MICAL2: variants seen among roughly 807,000 people sequenced by gnomAD.
MICAL2 encodes the protein [F-actin]-monooxygenase MICAL2.
MICAL2 carries 77 observed loss-of-function variants against 127.3 expected under a neutral mutation model. That is an observed-to-expected ratio of 0.60 (90% CI 0.50 to 0.73). MICAL2 has a LOEUF of 0.73. Among genes scored for constraint, MICAL2 ranks in the 30% least tolerant of loss-of-function variants. The probability of loss-of-function intolerance (pLI) is 0.00; values close to 1 mark genes in which losing one functional copy is unlikely to be tolerated. For missense variants in MICAL2, 1,351 were observed against 1,434.4 expected, an observed-to-expected ratio of 0.94 and a Z score of 0.94; for synonymous variants, 570 against 551.1, an observed-to-expected ratio of 1.03 and a Z score of -0.48.
intron 7 of MICAL2, among the ~76,000 whole-genome samples, chr11:12,214,836 C>T (rs1214828527): frequency 1.3e-5 from 2 of 152,146 alleles, no homozygotes; most frequent in Non-Finnish European, 2.9e-5. Context: ...CACACACACA[C>T]ACACACACAC....
chr11:12,229,682 G>A (rs1415972841), intron 15 of MICAL2, among the ~76,000 whole-genome samples: 1 of 152,246 alleles, frequency 6.6e-6, no homozygotes, highest in Non-Finnish European at 1.5e-5. Flanking sequence ...TGGGAGCTGG[G>A]GATGGTTAAA....
At chr11:12,278,125 G>A (rs1184427014) in intron 1 of MICAL2, among the ~76,000 whole-genome samples, 2 of 152,236 alleles carry the variant, frequency 1.3e-5, no homozygotes, top group East Asian at 1.9e-4. Flanking sequence ...CTAGGACATC[G>A]CTGTACACTA....
chr11:12,239,687 C>T, intron 17 of MICAL2, 102 bp downstream of exon 17: 1 of 1,391,278 alleles, frequency 7.2e-7, no homozygotes, highest in Non-Finnish European at 9.7e-7. Context: ...CAGGCCTGGT[C>T]CCAAGGAGAC....
chr11:12,123,891 T>C (rs1273399719), intron 1 of MICAL2, among the ~76,000 whole-genome samples: 3 of 152,138 alleles, frequency 2.0e-5, no homozygotes, highest in Non-Finnish European at 4.4e-5. Flanking sequence ...AGACCATATA[T>C]TGTATTTATG....
At chr11:12,290,644 G>A (rs763568641), downstream of MICAL2, among the ~76,000 whole-genome samples, 20 of 152,174 alleles carry the variant, frequency 1.3e-4, no homozygotes, top group Non-Finnish European at 1.8e-4. Flanking sequence ...CAGGCCAGCC[G>A]CCTCCCCAGC....
downstream of MICAL2, among the ~76,000 whole-genome samples, chr11:12,289,714 G>A (rs374577994): frequency 5.9e-5 from 9 of 152,042 alleles, no homozygotes; most frequent in South Asian, 2.1e-4. Context: ...GACCACAGGC[G>A]CGCACCACCA....
chr11:12,243,697 G>A (rs1372663723), intron 20 of MICAL2, among the ~76,000 whole-genome samples: 1 of 152,188 alleles, frequency 6.6e-6, no homozygotes, highest in Non-Finnish European at 1.5e-5. Context: ...TGAGGGCTTT[G>A]GTAATTGGCA....
intron 3 of MICAL2, among the ~76,000 whole-genome samples, chr11:12,190,616 T>C (rs1858972332): frequency 6.6e-6 from 1 of 152,224 alleles, no homozygotes; most frequent in Non-Finnish European, 1.5e-5. Context: ...CAATATCTTC[T>C]CTCCATTTTT....
At position 12,189,230 on chromosome 11, in the gene MICAL2, C is replaced by A. The variant is rs149168028; in HGVS notation, c.265-15020C>A. 5.6e-3 allele frequency among the ~76,000 whole-genome samples: 857 copies of A among 152,286 alleles called. 11 individuals carry two copies. Among genetic ancestry groups the A allele is most frequent in the African/African-American group, 0.02 (837 of 41,558 alleles). On this transcript the variant is annotated intron_variant, in intron 3 of 27. Transcript: ENST00000683283. ...TGCTGTAAGTGGCTTCCTTCCAGGT[C>A]CTTGCCTCTACTCTTTCCCAGTCCC...
chr11:12,152,297 C>CAAAAAAAAAAAAAAA (rs540812572), intron 2 of MICAL2, among the ~76,000 whole-genome samples: 6 of 38,394 alleles, frequency 1.6e-4, no homozygotes, highest in Non-Finnish European at 2.2e-4. Flanking sequence ...GACTCTGTCT[C>CAAAAAAAAAAAAAAA]AAAAAAAAAA....
In MICAL2 at chr11:12,151,242, C is replaced by T. The variant is rs16910657; in HGVS notation, c.-77-10837C>T. On this transcript the variant is annotated intron_variant, in intron 2 of 27. Transcript: ENST00000683283. ...TAGGTTGCACATGTGTGAGTGCCTA[C>T]GTAGAGGGGTGGGCAGGCTTATTTC... is the stretch of plus-strand genomic sequence containing the variant. 3.5e-3 allele frequency among the ~76,000 whole-genome samples: 527 copies of T among 152,128 alleles called. 3 individuals are homozygous for T. Among genetic ancestry groups the T allele is most frequent in the African/African-American group, 0.012 (496 of 41,482 alleles).
At chr11:12,241,296 C>A in intron 18 of MICAL2, 134 bp downstream of exon 18, 1 of 1,130,776 alleles carries the variant, frequency 8.8e-7, no homozygotes, top group Non-Finnish European at 1.2e-6. Flanking sequence ...TTGATGTCAC[C>A]ACACTTATAG....
intron 3 of MICAL2, among the ~76,000 whole-genome samples, chr11:12,200,652 C>T (rs1860588521): frequency 1.3e-5 from 2 of 152,338 alleles, no homozygotes; most frequent in Admixed American, 6.5e-5. Context: ...CTTTAGATTA[C>T]GGTATGACTG....
chr11:12,153,702 A>G (rs1306104555), intron 2 of MICAL2, among the ~76,000 whole-genome samples: 1 of 152,130 alleles, frequency 6.6e-6, no homozygotes, highest in Non-Finnish European at 1.5e-5. Context: ...ATAACTCTCC[A>G]TTCCCCACTT....
chr11:12,297,394 G>T (rs934825840), intron 29 of MICAL2, among the ~76,000 whole-genome samples: 1 of 152,096 alleles, frequency 6.6e-6, no homozygotes, highest in South Asian at 2.1e-4. Context: ...TTAATAGTAT[G>T]TAGGGATTCT....
At chr11:12,342,985 C>T (rs1371846712) in intron 32 of MICAL2, among the ~76,000 whole-genome samples, 1 of 152,222 alleles carries the variant, frequency 6.6e-6, no homozygotes, top group Non-Finnish European at 1.5e-5. Context: ...GAGTGGAGAG[C>T]AAGGCAAGGT....
intron 1 of MICAL2, among the ~76,000 whole-genome samples, chr11:12,277,139 G>C (rs1452663317): frequency 6.6e-6 from 1 of 152,072 alleles, no homozygotes; most frequent in African/African-American, 2.4e-5. Flanking sequence ...GGGCTCGCCT[G>C]TGTGTTTGGG....
chr11:12,351,365 A>G (rs939537636), intron 33 of MICAL2, among the ~76,000 whole-genome samples: 2 of 152,192 alleles, frequency 1.3e-5, no homozygotes, highest in African/African-American at 2.4e-5. Context: ...CAATGTCTGA[A>G]GACATTTTTG....
Position 12,221,659 on chromosome 11 carries a change from G to A in MICAL2, c.1222G>A (p.Gly408Ser). ...TCTTTTGCAGCCATTTTGGCCCATGGGTACAGGCTGTGCCCGTGGCTTCCT... is the reference window on the plus strand; with the variant it reads ...TCTTTTGCAGCCATTTTGGCCCATGAGTACAGGCTGTGCCCGTGGCTTCCT... Reference protein sequence around the residue: ...DSLLEPFWPMGTGCARGFLAA... With the variant: ...DSLLEPFWPMSTGCARGFLAA... The change falls in exon 10 of 28, where the codon GGT (glycine) becomes AGT (serine). Residue 408 changes from glycine to serine, a missense_variant. Around this residue, in one of 2 missense-constraint regions of MICAL2, gnomAD observed 599 missense variants for 714.9 expected, o/e 0.84. Coordinates refer to ENST00000683283, the MANE Select transcript of MICAL2 (RefSeq NM_001282663.2). 1 of 1,612,242 alleles carries A rather than the reference G, an allele frequency of 6.2e-7. No homozygotes were observed.
Sources: allele counts gnomAD v4.1 joint callset (sites outside exome capture counted in the v4.1 genomes callset), GRCh38; gene constraint gnomAD v4.1.1; regional missense constraint gnomAD v4.1.1; transcripts MANE v1.5; gene names NCBI Gene and HGNC (gene_info 2026-07-23, HGNC 2026-07-21).